PDE4D: variants seen among roughly 807,000 people sequenced by gnomAD.
PDE4D encodes phosphodiesterase 4D, also known as 3',5'-cyclic-AMP phosphodiesterase 4D.
Under a neutral mutation model 87.4 loss-of-function variants are expected in PDE4D, and 24 were observed. The ratio of observed to expected loss-of-function variants is 0.27; its 90% CI spans 0.20 to 0.39. The LOEUF (loss-of-function observed/expected upper bound fraction) is 0.39, where lower values mean the gene tolerates loss of function less well. Ranked by LOEUF, PDE4D falls within the 10% of genes least tolerant of loss-of-function variation. The probability of loss-of-function intolerance (pLI) is 1.00; values close to 1 mark genes in which losing one functional copy is unlikely to be tolerated. For synonymous variants in PDE4D, 384 were observed against 383.2 expected, an observed-to-expected ratio of 1.00 and a Z score of -0.02; for missense variants, 714 against 1,041.0, an observed-to-expected ratio of 0.69 and a Z score of 4.32.
intron 1 of PDE4D, among the ~76,000 whole-genome samples, chr5:59,327,583 T>C (rs970181460): frequency 7.2e-5 from 11 of 152,312 alleles, no homozygotes; most frequent in South Asian, 4.1e-4. Context: ...ATGCACTGAC[T>C]TAATGAGATC....
At chr5:59,211,657 C>T (rs1342308634) in intron 2 of PDE4D, among the ~76,000 whole-genome samples, 1 of 151,902 alleles carries the variant, frequency 6.6e-6, no homozygotes, top group Non-Finnish European at 1.5e-5. Flanking sequence ...AATGGCATAA[C>T]AATGTCCCTA....
chr5:59,376,895 T>C (rs1784819426), intron 1 of PDE4D, among the ~76,000 whole-genome samples: 1 of 152,078 alleles, frequency 6.6e-6, no homozygotes, highest in Non-Finnish European at 1.5e-5. Context: ...CCTACAACTA[T>C]CTGATCTGTG....
chr5:59,498,885 A>C (rs894392755), intron 1 of PDE4D, among the ~76,000 whole-genome samples: 1 of 152,090 alleles, frequency 6.6e-6, no homozygotes, highest in Non-Finnish European at 1.5e-5. Flanking sequence ...CTAACAAAAA[A>C]TTTTGTATTT....
chr5:59,477,018 C>G (rs771264470), intron 1 of PDE4D, among the ~76,000 whole-genome samples: 13 of 151,772 alleles, frequency 8.6e-5, no homozygotes, highest in African/African-American at 1.5e-4. Context: ...GACCAACAGT[C>G]TACAAATAAA....
chr5:59,067,354 AG>A (rs1354584416), intron 5 of PDE4D, among the ~76,000 whole-genome samples: 1 of 152,114 alleles, frequency 6.6e-6, no homozygotes, highest in Non-Finnish European at 1.5e-5. Flanking sequence ...GGACTAAGAC[AG>A]AAGGAAAAAT....
intron 1 of PDE4D, among the ~76,000 whole-genome samples, chr5:59,702,116 T>G (rs765205217): frequency 9.9e-5 from 15 of 152,206 alleles, no homozygotes; most frequent in Non-Finnish European, 1.5e-4. Context: ...AGGCACTTAC[T>G]AATTATTCCC....
chr5:59,412,514 C>T (rs1364956623), intron 1 of PDE4D, among the ~76,000 whole-genome samples: 10 of 152,174 alleles, frequency 6.6e-5, no homozygotes, highest in Middle Eastern at 3.2e-3. Context: ...GCTCATGGCA[C>T]GGCTCCCAAC....
chr5:60,359,745 G>T (rs1168928021), intron 1 of PDE4D, among the ~76,000 whole-genome samples: 2 of 152,070 alleles, frequency 1.3e-5, no homozygotes, highest in Non-Finnish European at 2.9e-5. Flanking sequence ...AGCTGTTGTT[G>T]CACACTATCT....
At chr5:60,388,113 C>T (rs138777691) in intron 1 of PDE4D, among the ~76,000 whole-genome samples, 7 of 152,230 alleles carry the variant, frequency 4.6e-5, no homozygotes, top group Admixed American at 2.0e-4. Flanking sequence ...CTGCGTCCTC[C>T]GTAGATGCAC....
At chr5:59,019,674 A>G (rs761740264) in intron 6 of PDE4D, among the ~76,000 whole-genome samples, 3 of 152,168 alleles carry the variant, frequency 2.0e-5, no homozygotes, top group Non-Finnish European at 2.9e-5. Flanking sequence ...TTAGATGCCT[A>G]TATAAATCCT....
intron 1 of PDE4D, among the ~76,000 whole-genome samples, chr5:60,339,384 C>A (rs1326443062): frequency 6.6e-5 from 10 of 152,272 alleles, no homozygotes; most frequent in East Asian, 1.9e-4. Flanking sequence ...AGGCGAGTCA[C>A]ATGGACAGCA....
chr5:59,543,674 G>A (rs1816757118), intron 1 of PDE4D, among the ~76,000 whole-genome samples: 1 of 152,074 alleles, frequency 6.6e-6, no homozygotes, highest in South Asian at 2.1e-4. Context: ...AAGTCAATGT[G>A]TCTCCTGGCT....
At chr5:59,706,751 T>C (rs189736660) in intron 1 of PDE4D, among the ~76,000 whole-genome samples, 13 of 152,274 alleles carry the variant, frequency 8.5e-5, no homozygotes, top group Non-Finnish European at 1.5e-4. Context: ...AGAAAGAACA[T>C]AAAATTGACT....
intron 1 of PDE4D, among the ~76,000 whole-genome samples, chr5:60,461,220 G>A (rs1746912245): frequency 6.6e-6 from 1 of 152,142 alleles, no homozygotes; most frequent in South Asian, 2.1e-4. Flanking sequence ...AGAAAGAGGA[G>A]GAAAATCAGG....
At chr5:59,485,927 T>G (rs899606373) in intron 1 of PDE4D, among the ~76,000 whole-genome samples, 9 of 152,088 alleles carry the variant, frequency 5.9e-5, no homozygotes, top group South Asian at 4.1e-4. Context: ...TTAAAATGAG[T>G]TTGCTATCTA....
intron 1 of PDE4D, among the ~76,000 whole-genome samples, chr5:60,395,302 G>T (rs1250043086): frequency 6.7e-6 from 1 of 150,188 alleles, no homozygotes; most frequent in South Asian, 2.1e-4. Context: ...AAAATGTAAG[G>T]TTTTTTTTTT....
chr5:58,999,551 A>ACG, intron 6 of PDE4D: 1 of 1,118,062 alleles, frequency 8.9e-7, no homozygotes, highest in Admixed American at 3.0e-5. Context: ...GATTGATTAT[A>ACG]TGTATATATA....
In PDE4D at chr5:59,046,161, T is replaced by C. The variant is rs151134721; in HGVS notation, c.809-7190A>G. The stretch of plus-strand genomic sequence containing the variant: ...TGCATTAAAATGTTCGATAAAGCTA[T>C]TTATGACAGAAGGTGAGACTTTGAA... On this transcript the variant is annotated intron_variant, in intron 5 of 14. Coordinates refer to ENST00000340635, the MANE Select transcript of PDE4D (RefSeq NM_001104631.2). Among the ~76,000 whole-genome samples the C allele has an allele frequency of 8.7e-3, 1,332 of 152,294 alleles. 27 individuals are homozygous for C. The highest frequency in any genetic ancestry group is 0.031 in the African/African-American group (1,278 of 41,556).
At chr5:60,114,218 T>A (rs1192302900) in intron 2 of PDE4D, among the ~76,000 whole-genome samples, 4 of 152,134 alleles carry the variant, frequency 2.6e-5, no homozygotes, top group African/African-American at 9.7e-5. Context: ...CACTTGTAAA[T>A]GATATCCATG....
Sources: gnomAD v4.1 joint callset for allele counts (sites outside exome capture counted in the v4.1 genomes callset) on GRCh38, gnomAD v4.1.1 for gene constraint, MANE v1.5 for transcripts, NCBI Gene and HGNC (gene_info 2026-07-23, HGNC 2026-07-21) for gene names.